ALPK1: variants seen among roughly 807,000 people sequenced by gnomAD.
The protein encoded by ALPK1 is alpha-protein kinase 1.
In ALPK1, 110 loss-of-function variants were observed where a neutral mutation model predicts 120.6. The observed-to-expected ratio is 0.91, with a 90% CI of 0.78 to 1.07. ALPK1 has a LOEUF of 1.07. Among genes scored for constraint, ALPK1 ranks in the 50% least tolerant of loss-of-function variants. The pLI is 0.00. For synonymous variants in ALPK1, 582 were observed against 560.3 expected (o/e 1.04, Z -0.55); for missense variants, 1,498 against 1,483.9 (o/e 1.01, Z -0.16).
chr4:112,357,128 C>A, intron 2 of ALPK1: 1 of 1,304,618 alleles, frequency 7.7e-7, no homozygotes. Flanking sequence ...TGCTGTTGAG[C>A]TGCCTGGAGA....
At chr4:112,320,405 T>C (rs1293127498) in intron 2 of ALPK1, among the ~76,000 whole-genome samples, 1 of 152,226 alleles carries the variant, frequency 6.6e-6, no homozygotes, top group Admixed American at 6.5e-5. Flanking sequence ...CACTTTATCA[T>C]GGTCGATTAT....
chr4:112,397,632 A>G (rs1205437210), intron 4 of ALPK1, among the ~76,000 whole-genome samples: 1 of 152,198 alleles, frequency 6.6e-6, no homozygotes, highest in Non-Finnish European at 1.5e-5. Flanking sequence ...TCACAGAACT[A>G]TGACAGCTTC....
chr4:112,429,073 A>G, intron 9 of ALPK1, 76 bp from the exon 10 acceptor site: 1 of 1,343,090 alleles, frequency 7.4e-7, no homozygotes, highest in Non-Finnish European at 1.1e-6. Context: ...AGAAAAGCAA[A>G]ACCATTTCAT....
At chr4:112,371,066 T>A (rs1280630620) in intron 2 of ALPK1, among the ~76,000 whole-genome samples, 1 of 152,216 alleles carries the variant, frequency 6.6e-6, no homozygotes, top group African/African-American at 2.4e-5. Context: ...TCATTCTTAA[T>A]AACATTCATA....
At chr4:112,398,411 A>G (rs1391517574) in intron 4 of ALPK1, among the ~76,000 whole-genome samples, 1 of 151,980 alleles carries the variant, frequency 6.6e-6, no homozygotes, top group Non-Finnish European at 1.5e-5. Flanking sequence ...TCCCACCTCA[A>G]CCTCCAGAAT....
chr4:112,432,347 T>A lies in ALPK1; in HGVS notation c.2800T>A (p.Ser934Thr). The change falls in exon 11 of 16, where the codon TCA (serine) becomes ACA (threonine). Residue 934 changes from serine to threonine, a missense_variant. Transcript: ENST00000650871. ...SSSSSVWWLK[S>T]PAFSSGSSEG... ...CTCATCCTCAGTGTGGTGGCTGAAA[T>A]CACCTGCATTTTCCAGTGGTTCTTC... 5.0e-6 allele frequency: 8 copies of A among 1,614,138 alleles called. No homozygotes were observed. Among genetic ancestry groups the A allele is most frequent in the Non-Finnish European group, 6.8e-6 (8 of 1,180,030 alleles).
chr4:112,330,509 C>T (rs4834263), intron 2 of ALPK1, among the ~76,000 whole-genome samples: 95,691 of 151,964 alleles, frequency 0.63, 31,451 homozygotes, highest in East Asian at 0.89. Flanking sequence ...TCCTTGTTTT[C>T]GCAACTGGTT....
At chr4:112,299,434 T>C (rs1727691497) in intron 1 of ALPK1, among the ~76,000 whole-genome samples, 1 of 152,164 alleles carries the variant, frequency 6.6e-6, no homozygotes, top group South Asian at 2.1e-4. Flanking sequence ...ACCTAGAATT[T>C]CATGAATACT....
In ALPK1 at chr4:112,333,113, T is replaced by G. The variant is rs144365015; in HGVS notation, c.-101+17261T>G. On this transcript the variant is annotated intron_variant, in intron 2 of 15. Coordinates refer to ENST00000650871, the MANE Select transcript of ALPK1 (RefSeq NM_025144.4). The stretch of plus-strand genomic sequence containing the variant: ...AGGATTTTCAATTATAATACATAGA[T>G]GAAGTAAAACCTTAGTGTACTGCCC... 5.4e-3 allele frequency among the ~76,000 whole-genome samples: 825 copies of G among 152,304 alleles called. 2 individuals carry two copies. Among genetic ancestry groups the G allele is most frequent in the Non-Finnish European group, 9.2e-3 (629 of 68,026 alleles).
At chr4:112,389,901 T>G (rs1732327247) in intron 4 of ALPK1, among the ~76,000 whole-genome samples, 1 of 152,206 alleles carries the variant, frequency 6.6e-6, no homozygotes, top group East Asian at 1.9e-4. Context: ...TCACCAAGCT[T>G]AGTAGGTCTT....
At chr4:112,348,492 T>A (rs913204983) in intron 2 of ALPK1, among the ~76,000 whole-genome samples, 7 of 152,242 alleles carry the variant, frequency 4.6e-5, no homozygotes, top group African/African-American at 1.7e-4. Flanking sequence ...GCAGGACTAG[T>A]AGAATCCTAC....
chr4:112,371,228 C>T (rs1290541116), intron 2 of ALPK1, among the ~76,000 whole-genome samples: 4 of 152,194 alleles, frequency 2.6e-5, no homozygotes, highest in African/African-American at 9.6e-5. Flanking sequence ...CTGCAGTTAC[C>T]TCCCGGCAAA....
intron 2 of ALPK1, chr4:112,356,086 A>G (rs1312681332): frequency 2.5e-5 from 27 of 1,094,980 alleles, no homozygotes; most frequent in Non-Finnish European, 3.7e-5. Context: ...ACAGACCCGA[A>G]TAGCCTGCCC....
intron 4 of ALPK1, among the ~76,000 whole-genome samples, chr4:112,404,430 A>G (rs1733072970): frequency 6.6e-6 from 1 of 152,174 alleles, no homozygotes; most frequent in Non-Finnish European, 1.5e-5. Context: ...CCACAAATGA[A>G]TATTATCCAC....
chr4:112,424,198 T>TAA (rs34591132), intron 6 of ALPK1, among the ~76,000 whole-genome samples, 195 bp downstream of exon 6: 67,919 of 148,334 alleles, frequency 0.46, 15,549 homozygotes, highest in East Asian at 0.7. Flanking sequence ...TTCTCTAAGT[T>TAA]AAAAAAAAAA....
At chr4:112,405,526 C>T (rs1241372130) in intron 4 of ALPK1, among the ~76,000 whole-genome samples, 1 of 152,136 alleles carries the variant, frequency 6.6e-6, no homozygotes, top group African/African-American at 2.4e-5. Flanking sequence ...CCTAAAACCA[C>T]TGTTTGGACT....
chr4:112,334,016 T>C (rs887845078), intron 2 of ALPK1, among the ~76,000 whole-genome samples: 2 of 152,208 alleles, frequency 1.3e-5, no homozygotes, highest in Non-Finnish European at 2.9e-5. Context: ...ATGTATTGTT[T>C]GTTCTTTATT....
Position 112,435,238 on chromosome 4 carries a change from A to G in ALPK1, c.3125A>G (p.Lys1042Arg). 6.2e-7 allele frequency: 1 copy of G among 1,613,892 alleles called. No individual in the cohort carries two copies. The highest frequency in any genetic ancestry group is 8.5e-7 in the Non-Finnish European group (1 of 1,179,936). ...TTGGGGGACTACTTGACTGTGAAGAAAAAAGGCAGACAAAGAAATGCTTTT... is the reference window on the plus strand; with the variant it reads ...TTGGGGGACTACTTGACTGTGAAGAGAAAAGGCAGACAAAGAAATGCTTTT... ...VYLGDYLTVKKKGRQRNAFWV... is the reference protein window; with the variant it reads ...VYLGDYLTVKRKGRQRNAFWV... The change falls in exon 12 of 16, where the codon AAA becomes AGA. Residue 1042 changes from lysine (K) to arginine (R), a missense_variant. Physicochemically the swap from Lys to Arg is conservative, Grantham distance 26. Coordinates refer to ENST00000650871, the MANE Select transcript of ALPK1 (RefSeq NM_025144.4).
intron 4 of ALPK1, among the ~76,000 whole-genome samples, chr4:112,386,159 G>T (rs1160446383): frequency 6.6e-6 from 1 of 152,108 alleles, no homozygotes; most frequent in Non-Finnish European, 1.5e-5. Context: ...TTTGTGTTTT[G>T]CTTTCTGGTC....
Sources: allele counts gnomAD v4.1 joint callset (sites outside exome capture counted in the v4.1 genomes callset), GRCh38; gene constraint gnomAD v4.1.1; transcripts MANE v1.5; gene names NCBI Gene and HGNC (gene_info 2026-07-23, HGNC 2026-07-21).